ADAM9: variants seen among roughly 807,000 people sequenced by gnomAD.
The protein encoded by ADAM9 is disintegrin and metalloproteinase domain-containing protein 9.
Under a neutral mutation model 108.1 loss-of-function variants are expected in ADAM9, and 54 were observed. That is an observed-to-expected ratio of 0.50 (90% confidence interval 0.40 to 0.63). The LOEUF (loss-of-function observed/expected upper bound fraction) is 0.63. Among genes scored for constraint, ADAM9 ranks in the 20% least tolerant of loss-of-function variants. The pLI, the probability that ADAM9 is intolerant of heterozygous loss-of-function variation, is 0.00. For missense variants in ADAM9, 830 were observed against 997.7 expected (o/e 0.83, Z 2.26); for synonymous variants, 316 against 336.0 (o/e 0.94, Z 0.65).
rs114784567 is a variant in ADAM9, at chr8:39,001,424, C to T, written c.97+4264C>T. 1.1e-3 allele frequency among the ~76,000 whole-genome samples: 169 copies of T among 152,278 alleles called. 1 individual carries two copies. The highest frequency in any genetic ancestry group is 3.8e-3 in the African/African-American group (157 of 41,564). On this transcript the variant is annotated intron_variant, in intron 1 of 21. Transcript: ENST00000487273. ...ACGTACTGTACCAGTGCAGGAAGTA[C>T]ATGATGAATAAGATACCGTCCTTGA...
chr8:39,010,559 C>G (rs1455650589), intron 2 of ADAM9, among the ~76,000 whole-genome samples: 1 of 152,156 alleles, frequency 6.6e-6, no homozygotes, highest in Non-Finnish European at 1.5e-5. Context: ...GTTGTCGAGT[C>G]CCTCCATGAC....
chr8:39,024,457 G>T (rs1023710813), intron 9 of ADAM9, among the ~76,000 whole-genome samples: 5 of 152,122 alleles, frequency 3.3e-5, no homozygotes, highest in African/African-American at 1.2e-4. Context: ...ATGATTTTTA[G>T]TTGTTTGTTT....
At chr8:39,100,438 A>G (rs1839653372) in intron 20 of ADAM9, among the ~76,000 whole-genome samples, 1 of 150,884 alleles carries the variant, frequency 6.6e-6, no homozygotes, top group Non-Finnish European at 1.5e-5. Context: ...GCTTGCAGTG[A>G]GCTGAGATCG....
chr8:39,082,501 T>C (rs1839054621), intron 16 of ADAM9, 140 bp from the exon 17 acceptor site: 1 of 627,150 alleles, frequency 1.6e-6, no homozygotes, highest in African/African-American at 1.9e-5. Context: ...TTTTTAAAAA[T>C]ATAATATGGG....
chr8:39,014,012 G>A lies in ADAM9; in HGVS notation c.302G>A (p.Gly101Glu). 6.2e-7 allele frequency: 1 copy of A among 1,613,524 alleles called. No individual in the cohort carries two copies. The highest frequency in any genetic ancestry group is 8.5e-7 in the Non-Finnish European group (1 of 1,179,696). ...DFVVYTYNKE[G>E]TLITDHPNIQ... ...GTGGTTTATACTTACAACAAGGAAG[G>A]GACTTTAATCACTGACCATCCCAAT... The change falls in exon 4 of 22, where the codon GGG becomes GAG. Residue 101 changes from glycine to glutamate, a missense_variant. Coordinates refer to ENST00000487273, the MANE Select transcript of ADAM9 (RefSeq NM_003816.3).
chr8:39,044,840 C>T (rs956209132), intron 12 of ADAM9, among the ~76,000 whole-genome samples: 2 of 151,296 alleles, frequency 1.3e-5, no homozygotes, highest in Non-Finnish European at 2.9e-5. Flanking sequence ...TATAGTATTC[C>T]GTGGGGTGTG....
intron 12 of ADAM9, 106 bp downstream of exon 12, chr8:39,042,223 A>G: frequency 2.5e-6 from 3 of 1,208,818 alleles, no homozygotes; most frequent in Non-Finnish European, 3.7e-6. Flanking sequence ...AGTAAAATTT[A>G]GTGGCACAGT....
intron 12 of ADAM9, among the ~76,000 whole-genome samples, chr8:39,042,355 T>C (rs1253090499): frequency 6.6e-6 from 1 of 152,226 alleles, no homozygotes; most frequent in Non-Finnish European, 1.5e-5. Context: ...TATTCTCTAC[T>C]TTTTTAATGC....
intron 12 of ADAM9, among the ~76,000 whole-genome samples, chr8:39,046,231 T>G (rs2129437370): frequency 6.6e-6 from 1 of 152,354 alleles, no homozygotes; most frequent in South Asian, 2.1e-4. Context: ...TCAATGCTAT[T>G]GTAAATAGCT....
intron 1 of ADAM9, among the ~76,000 whole-genome samples, chr8:38,999,523 T>C (rs1460787595): frequency 6.6e-6 from 1 of 152,126 alleles, no homozygotes; most frequent in Admixed American, 6.5e-5. Context: ...TGTAAAATCA[T>C]TTGTGTAGTA....
intron 18 of ADAM9, among the ~76,000 whole-genome samples, chr8:39,089,412 A>G (rs1327404348): frequency 6.6e-6 from 1 of 152,236 alleles, no homozygotes; most frequent in African/African-American, 2.4e-5. Flanking sequence ...ATATTCTTAT[A>G]AATTGTAACC....
Position 39,090,175 on chromosome 8 carries a change from T to A in ADAM9, c.2197T>A (p.Ser733Thr), listed in dbSNP as rs745686484. The A allele has an allele frequency of 5.0e-6, 8 of 1,613,516 alleles. No homozygotes were observed. The East Asian group carries it at 8.9e-5, about 18-fold the overall frequency. Residue 733 changes from serine (S) to threonine (T), a missense_variant, in exon 19 of 22, where the codon TCA becomes ACA. Physicochemically the swap from Ser to Thr is moderately conservative, Grantham distance 58. Transcript: ENST00000487273. The stretch of plus-strand genomic sequence containing the variant: ...GAGAAGCTACTTCAGAAAGAAGAGA[T>A]CACAAACATATGAGTACTTAGATTT... ...LWRSYFRKKR[S>T]QTYESDGKNQ...
intron 3 of ADAM9, 150 bp from the exon 4 acceptor site, chr8:39,013,815 A>G: frequency 1.4e-6 from 1 of 697,242 alleles, no homozygotes; most frequent in Admixed American, 2.5e-5. Context: ...ATGAGCTTTT[A>G]ATTTTACAAT....
chr8:39,002,538 G>C (rs1045030162), intron 1 of ADAM9, among the ~76,000 whole-genome samples: 3 of 151,808 alleles, frequency 2.0e-5, no homozygotes, highest in Non-Finnish European at 2.9e-5. Flanking sequence ...GGCCAGGCTG[G>C]TCTGGAATTC....
chr8:39,074,903 C>CTTTTTT (rs1178180888), intron 15 of ADAM9, among the ~76,000 whole-genome samples: 21 of 113,124 alleles, frequency 1.9e-4, no homozygotes, highest in Non-Finnish European at 2.2e-4. Context: ...AGCCCAAAAT[C>CTTTTTT]TTTTTTTTTT....
Position 39,099,819 on chromosome 8 carries a change from T to G in ADAM9, c.2299-2044T>G, listed in dbSNP as rs371698233. ...GCTTGTAATCTTTAGCTTGTTTTCA[T>G]TAATTTATATTTAATTGACAAATAA... On this transcript the variant is annotated intron_variant, in intron 20 of 21. Coordinates refer to ENST00000487273, the MANE Select transcript of ADAM9 (RefSeq NM_003816.3). 1.4e-4 allele frequency among the ~76,000 whole-genome samples: 22 copies of G among 152,222 alleles called. No homozygotes were observed. In the East Asian group the frequency reaches 2.3e-3, roughly 16 times the overall value.
chr8:39,091,741 C>G lies in ADAM9; in HGVS notation c.2298+395C>G, dbSNP rs536997608. On this transcript the variant is annotated intron_variant, in intron 20 of 21. Coordinates refer to ENST00000487273, the MANE Select transcript of ADAM9 (RefSeq NM_003816.3). ...ACCTCAAGTGATCCACCCGCCTTGG[C>G]CTCCCAAAGTGCTGGGATTACAGGT... 5.3e-5 allele frequency among the ~76,000 whole-genome samples: 8 copies of G among 152,272 alleles called. No individual in the cohort carries two copies. The South Asian group carries it at 1.7e-3, about 32-fold the overall frequency.
chr8:39,047,003 A>G (rs1226109788), intron 12 of ADAM9, among the ~76,000 whole-genome samples: 1 of 152,202 alleles, frequency 6.6e-6, no homozygotes, highest in Non-Finnish European at 1.5e-5. Flanking sequence ...TCCTGGACTC[A>G]AGCAGTCTGC....
rs557023429 is a variant in ADAM9 at position 39,090,728 on chromosome 8, A to G, written c.2211-531A>G. On this transcript the variant is annotated intron_variant, in intron 19 of 21. Coordinates refer to ENST00000487273, the MANE Select transcript of ADAM9 (RefSeq NM_003816.3). ...ATAGAGGACTAAGTAGATACTTCGT[A>G]TCATACTTCCAACTGACCAGTCTAT... is the stretch of plus-strand genomic sequence containing the variant. Among the ~76,000 whole-genome samples the G allele has an allele frequency of 4.6e-5, 7 of 152,312 alleles. 1 individual carries two copies. In the South Asian group the frequency reaches 1.4e-3, roughly 32 times the overall value.
Sources: gnomAD v4.1 joint callset for allele counts (sites outside exome capture counted in the v4.1 genomes callset) on GRCh38, gnomAD v4.1.1 for gene constraint, MANE v1.5 for transcripts, NCBI Gene and HGNC (gene_info 2026-07-23, HGNC 2026-07-21) for gene names.